The following PCDH11X variants were observed in gnomAD, a reference collection of about 807,000 sequenced individuals.
The protein encoded by PCDH11X is protocadherin-11 X-linked.
A neutral mutation model predicts 53.3 loss-of-function variants in PCDH11X; 18 were observed. The ratio of observed to expected loss-of-function variants is 0.34; its 90% CI spans 0.23 to 0.50. The LOEUF (loss-of-function observed/expected upper bound fraction) is 0.50, where lower values mean the gene tolerates loss of function less well. Among genes scored for constraint, PCDH11X ranks in the 20% least tolerant of loss-of-function variants. The pLI is 0.98. For synonymous variants in PCDH11X, 279 were observed against 393.3 expected (o/e 0.71, Z 3.44); for missense variants, 570 against 1,032.4 (o/e 0.55, Z 6.14).
At chrX:92,134,899 G>A in intron 6 of PCDH11X, among the ~76,000 whole-genome samples, 1 of 109,963 alleles carries the variant, frequency 9.1e-6, no homozygotes, top group Non-Finnish European at 1.9e-5. Flanking sequence ...AGGTCTTTAT[G>A]ACCTGTATTT....
At chrX:92,198,616 C>T (rs1351159173) in intron 6 of PCDH11X, among the ~76,000 whole-genome samples, 1 of 110,254 alleles carries the variant, frequency 9.1e-6, no homozygotes, top group African/African-American at 3.3e-5. Flanking sequence ...ATCAAATTAT[C>T]TTTCTTCATA....
intron 6 of PCDH11X, among the ~76,000 whole-genome samples, chrX:92,161,200 G>A (rs759291451): frequency 9.0e-6 from 1 of 111,667 alleles, no homozygotes; most frequent in South Asian, 3.8e-4. Context: ...AGTTCTTGTA[G>A]TGCTGGCTTG....
intron 6 of PCDH11X, among the ~76,000 whole-genome samples, chrX:91,933,180 C>T (rs2061408931): frequency 9.1e-6 from 1 of 110,159 alleles, no homozygotes; most frequent in African/African-American, 3.3e-5. Context: ...AGACCTATGT[C>T]TTGCAAAGCT....
chrX:92,607,025 T>A (rs1438216990), intron 10 of PCDH11X, among the ~76,000 whole-genome samples: 1 of 111,455 alleles, frequency 9.0e-6, no homozygotes, highest in Non-Finnish European at 1.9e-5. Flanking sequence ...TAATAACGAA[T>A]GTTGGTAAGT....
At chrX:92,012,938 A>C (rs2062717963) in intron 6 of PCDH11X, among the ~76,000 whole-genome samples, 1 of 111,851 alleles carries the variant, frequency 8.9e-6, no homozygotes, top group Non-Finnish European at 1.9e-5. Context: ...TGAATGGGCA[A>C]AAACTGGAAG....
chrX:91,948,007 T>A (rs1452376237), intron 6 of PCDH11X, among the ~76,000 whole-genome samples: 7 of 88,327 alleles, frequency 7.9e-5, no homozygotes, highest in African/African-American at 1.1e-4. Context: ...ATGTTTTACA[T>A]TTTGTTATAT....
intron 6 of PCDH11X, among the ~76,000 whole-genome samples, chrX:92,111,053 C>T (rs2064493059): frequency 9.4e-6 from 1 of 106,912 alleles, no homozygotes; most frequent in African/African-American, 3.4e-5. Flanking sequence ...TTCACCTGGA[C>T]AGACCTTCTA....
At chrX:92,457,883 A>G (rs980664721) in intron 9 of PCDH11X, among the ~76,000 whole-genome samples, 5 of 106,389 alleles carry the variant, frequency 4.7e-5, no homozygotes, top group African/African-American at 1.7e-4. Flanking sequence ...TTCATATACA[A>G]AAACATGTAA....
At chrX:92,085,291 G>A (rs777519574) in intron 6 of PCDH11X, among the ~76,000 whole-genome samples, 1 of 110,235 alleles carries the variant, frequency 9.1e-6, no homozygotes, top group South Asian at 3.9e-4. Flanking sequence ...ACTAAAAGAG[G>A]TTGTAGTTTG....
intron 7 of PCDH11X, among the ~76,000 whole-genome samples, chrX:92,220,625 G>T (rs62599158): frequency 9.1e-6 from 1 of 110,435 alleles, no homozygotes; most frequent in African/African-American, 3.3e-5. Context: ...TTCAACCATT[G>T]TGGAAGTCAG....
intron 6 of PCDH11X, among the ~76,000 whole-genome samples, chrX:92,117,890 A>G (rs148396888): frequency 7.0e-4 from 79 of 112,337 alleles, no homozygotes; most frequent in Middle Eastern, 4.6e-3. Context: ...TGAAATGCTC[A>G]TTAACAAGCT....
intron 6 of PCDH11X, among the ~76,000 whole-genome samples, chrX:92,150,602 T>A (rs2065415785): frequency 1.8e-5 from 2 of 110,785 alleles, no homozygotes; most frequent in Middle Eastern, 4.6e-3. Context: ...TCAATAAAAA[T>A]TTTAAGATTG....
intron 7 of PCDH11X, among the ~76,000 whole-genome samples, chrX:92,245,099 G>C (rs2067324426): frequency 8.9e-6 from 1 of 112,258 alleles, no homozygotes; most frequent in African/African-American, 3.2e-5. Context: ...GATTCACAAA[G>C]AGTACATATG....
chrX:92,519,802 A>G lies in PCDH11X; in HGVS notation c.3367+51480A>G, dbSNP rs766370215. ...ATATGCTCTTTTTAAGTACATTTTA[A>G]TAGTAAAAGCCCCCAAAAACATGTA... On this transcript the variant is annotated intron_variant, in intron 10 of 10. Coordinates refer to ENST00000682573, the MANE Select transcript of PCDH11X (RefSeq NM_032968.5). Among the ~76,000 whole-genome samples, 855 of 104,949 alleles carry G rather than the reference A, an allele frequency of 8.1e-3. 9 individuals carry two copies. The highest frequency in any genetic ancestry group is 0.028 in the African/African-American group (815 of 28,912). 91.1% of individuals were successfully genotyped at this position (104,949 alleles called of 115,157 possible).
intron 6 of PCDH11X, among the ~76,000 whole-genome samples, chrX:92,125,760 T>C (rs1311765502): frequency 9.1e-6 from 1 of 110,339 alleles, no homozygotes; most frequent in Non-Finnish European, 1.9e-5. Context: ...TAACTCGTCA[T>C]TTACATTAGG....
intron 8 of PCDH11X, among the ~76,000 whole-genome samples, chrX:92,289,234 G>A (rs1371898787): frequency 9.1e-6 from 1 of 110,234 alleles, no homozygotes; most frequent in Non-Finnish European, 1.9e-5. Flanking sequence ...GCGTTATGAA[G>A]GATTACAAAG....
chrX:92,437,378 A>C (rs1211420259), intron 9 of PCDH11X, among the ~76,000 whole-genome samples: 1 of 111,750 alleles, frequency 8.9e-6, no homozygotes, highest in Non-Finnish European at 1.9e-5. Context: ...GCTTCAGTGG[A>C]TCTCTACTAA....
chrX:92,566,177 A>G (rs1468342366), intron 10 of PCDH11X, among the ~76,000 whole-genome samples: 1 of 109,265 alleles, frequency 9.2e-6, no homozygotes, highest in African/African-American at 3.3e-5. Flanking sequence ...ATGAAATCCA[A>G]ACGAATCCAC....
chrX:92,327,070 A>G (rs895210034), intron 8 of PCDH11X, among the ~76,000 whole-genome samples: 6 of 108,925 alleles, frequency 5.5e-5, no homozygotes, highest in Non-Finnish European at 1.1e-4. Context: ...GGAACTCACT[A>G]TAGCGTAAAA....
Sources: gnomAD v4.1 joint callset for allele counts (sites outside exome capture counted in the v4.1 genomes callset) on GRCh38, gnomAD v4.1.1 for gene constraint, MANE v1.5 for transcripts, NCBI Gene and HGNC (gene_info 2026-07-23, HGNC 2026-07-21) for gene names.